The following CAMK2D variants were observed in gnomAD, a reference collection of about 807,000 sequenced individuals.
The protein encoded by CAMK2D is calcium/calmodulin dependent protein kinase II delta, also known as calcium/calmodulin-dependent protein kinase type II subunit delta.
CAMK2D carries 37 observed loss-of-function variants against 84.0 expected under a neutral mutation model. The ratio of observed to expected loss-of-function variants is 0.44; its 90% CI spans 0.34 to 0.58. The LOEUF is 0.58. Ranked by LOEUF, CAMK2D falls within the 20% of genes least tolerant of loss-of-function variation. CAMK2D has a pLI of 0.02. For synonymous variants in CAMK2D, 202 were observed against 212.5 expected (o/e 0.95, Z 0.43); for missense variants, 448 against 652.5 (o/e 0.69, Z 3.41).
At chr4:113,621,615 G>GCACA (rs762315077) in intron 3 of CAMK2D, among the ~76,000 whole-genome samples, 2 of 152,186 alleles carry the variant, frequency 1.3e-5, no homozygotes, top group African/African-American at 4.8e-5. Context: ...AGAAGACAGA[G>GCACA]CACAGTATTA....
intron 2 of CAMK2D, among the ~76,000 whole-genome samples, chr4:113,742,885 A>G (rs563641901): frequency 6.6e-6 from 1 of 152,302 alleles, no homozygotes; most frequent in South Asian, 2.1e-4. Context: ...ATTTTTATCT[A>G]TAAATAGTAC....
chr4:113,678,017 A>G (rs1297353297), intron 2 of CAMK2D, among the ~76,000 whole-genome samples: 2 of 152,178 alleles, frequency 1.3e-5, no homozygotes, highest in African/African-American at 2.4e-5. Flanking sequence ...ATCTATGGTA[A>G]CATCTCAAAT....
intron 2 of CAMK2D, among the ~76,000 whole-genome samples, chr4:113,711,432 A>C (rs2099492261): frequency 6.6e-6 from 1 of 152,110 alleles, no homozygotes; most frequent in African/African-American, 2.4e-5. Context: ...CCTAAACTAA[A>C]AGCTAAAATA....
intron 17 of CAMK2D, among the ~76,000 whole-genome samples, chr4:113,462,245 A>G (rs990667696): frequency 6.6e-6 from 1 of 150,938 alleles, no homozygotes; most frequent in African/African-American, 2.5e-5. Flanking sequence ...CAGCCATGAA[A>G]AAGAGTCAGT....
chr4:113,727,268 T>C (rs998469228), intron 2 of CAMK2D, among the ~76,000 whole-genome samples: 1 of 152,190 alleles, frequency 6.6e-6, no homozygotes, highest in African/African-American at 2.4e-5. Flanking sequence ...GAAGCTCGGA[T>C]AGATAAAACT....
At position 113,525,832 on chromosome 4, in the gene CAMK2D, C is replaced by A. The variant is rs139800535; in HGVS notation, c.601+5384G>T. 2.6e-3 allele frequency among the ~76,000 whole-genome samples: 401 copies of A among 152,254 alleles called. 2 individuals carry two copies. The highest frequency in any genetic ancestry group is 9.2e-3 in the African/African-American group (382 of 41,552). ...TTTTTACCACTCAACCCAGTGTCTA[C>A]TCTTGAAAATAAGTCACTACTTAAT... On this transcript the variant is annotated intron_variant, in intron 8 of 20. Coordinates refer to ENST00000511664, the MANE Select transcript of CAMK2D (RefSeq NM_001321571.2).
chr4:113,510,972 T>TAATA (rs1429440904), intron 12 of CAMK2D, among the ~76,000 whole-genome samples: 1 of 152,062 alleles, frequency 6.6e-6, no homozygotes, highest in Admixed American at 6.6e-5. Context: ...CTGTGGCAGT[T>TAATA]AATAGGTTAG....
Position 113,549,508 on chromosome 4 carries a change from AT to A in CAMK2D, c.342-1793del, listed in dbSNP as rs1194910392. Among the ~76,000 whole-genome samples, 10 of 152,192 alleles carry A rather than the reference AT, an allele frequency of 6.6e-5. No individual in the cohort carries two copies. The East Asian group carries it at 1.9e-3, about 29-fold the overall frequency. ...TATATCAAAATGCACATTTTATGCT[AT>A]TCTTATTAAGGGTTCACTGATATCA... On this transcript the variant is annotated intron_variant, in intron 5 of 20. Coordinates refer to ENST00000511664, the MANE Select transcript of CAMK2D (RefSeq NM_001321571.2).
intron 3 of CAMK2D, among the ~76,000 whole-genome samples, chr4:113,656,412 A>G (rs1482509704): frequency 6.6e-6 from 1 of 152,152 alleles, no homozygotes; most frequent in Non-Finnish European, 1.5e-5. Context: ...GTTCAGGGGT[A>G]CTAGGCTGAT....
chr4:113,603,369 C>A (rs2098961797), intron 4 of CAMK2D, among the ~76,000 whole-genome samples: 1 of 115,902 alleles, frequency 8.6e-6, no homozygotes, highest in African/African-American at 3.2e-5. Flanking sequence ...CCCCTCCCCC[C>A]TCCCCCCACC....
intron 4 of CAMK2D, among the ~76,000 whole-genome samples, chr4:113,597,607 A>G (rs2098933142): frequency 6.6e-6 from 1 of 152,220 alleles, no homozygotes; most frequent in Admixed American, 6.5e-5. Context: ...CTTTCTCCAT[A>G]TTAGCAATAA....
intron 5 of CAMK2D, among the ~76,000 whole-genome samples, chr4:113,549,937 A>G (rs2098611772): frequency 6.6e-6 from 1 of 152,124 alleles, no homozygotes; most frequent in Non-Finnish European, 1.5e-5. Flanking sequence ...ATTGGTCATT[A>G]TTTTTAAACC....
intron 13 of CAMK2D, among the ~76,000 whole-genome samples, chr4:113,508,020 A>T (rs890986877): frequency 1.2e-4 from 19 of 152,174 alleles, no homozygotes; most frequent in African/African-American, 4.3e-4. Flanking sequence ...AAAAGAGCAA[A>T]CCTCTTAATA....
At chr4:113,527,638 A>T (rs1260712207) in intron 8 of CAMK2D, among the ~76,000 whole-genome samples, 1 of 152,186 alleles carries the variant, frequency 6.6e-6, no homozygotes, top group Non-Finnish European at 1.5e-5. Flanking sequence ...GCCAGAGAAG[A>T]ATCCCTAGCA....
chr4:113,668,101 G>A (rs992063823), intron 2 of CAMK2D, among the ~76,000 whole-genome samples: 3 of 151,904 alleles, frequency 2.0e-5, no homozygotes, highest in African/African-American at 7.3e-5. Context: ...CTTCCTTGTG[G>A]AGAAGCTCAA....
chr4:113,508,130 T>C (rs79655470), intron 13 of CAMK2D: 10 of 764,460 alleles, frequency 1.3e-5, no homozygotes, highest in Non-Finnish European at 2.1e-5. Context: ...TGACCTGTAA[T>C]GGTCCTACAC....
In CAMK2D at chr4:113,495,007, G is replaced by A. The variant is rs188081242; in HGVS notation, c.1135+5456C>T. On this transcript the variant is annotated intron_variant, in intron 16 of 20. Coordinates refer to ENST00000511664, the MANE Select transcript of CAMK2D (RefSeq NM_001321571.2). ...CCTTGCCCTGCTTCGGCTCACGCAC[G>A]GTGCGCGCACCCACTGACCTGCGCC... Among the ~76,000 whole-genome samples, 32 of 152,232 alleles carry A rather than the reference G, an allele frequency of 2.1e-4. No individual in the cohort carries two copies. In the East Asian group the frequency reaches 3.7e-3, roughly 17 times the overall value.
intron 16 of CAMK2D, among the ~76,000 whole-genome samples, chr4:113,470,089 C>G (rs1179792904): frequency 2.0e-5 from 3 of 152,094 alleles, no homozygotes; most frequent in Non-Finnish European, 4.4e-5. Flanking sequence ...CTTCTCACTG[C>G]TCTCAGGATA....
chr4:113,742,545 T>C (rs558785423), intron 2 of CAMK2D, among the ~76,000 whole-genome samples: 9 of 150,340 alleles, frequency 6.0e-5, no homozygotes, highest in African/African-American at 2.2e-4. Context: ...TAATCACACC[T>C]ACCTCAATAA....
Sources: gnomAD v4.1 joint callset for allele counts (sites outside exome capture counted in the v4.1 genomes callset) on GRCh38, gnomAD v4.1.1 for gene constraint, MANE v1.5 for transcripts, NCBI Gene and HGNC (gene_info 2026-07-23, HGNC 2026-07-21) for gene names.